Variants in CDC14B observed in about 807,000 individuals in gnomAD.
CDC14B encodes the protein cell division cycle 14B, also known as dual specificity protein phosphatase CDC14B.
CDC14B carries 22 observed loss-of-function variants against 64.2 expected under a neutral mutation model. That is an observed-to-expected ratio of 0.34 (90% confidence interval 0.24 to 0.49). CDC14B has a LOEUF of 0.49. Among genes scored for constraint, CDC14B ranks in the 20% least tolerant of loss-of-function variants. CDC14B has a pLI of 0.99. For missense variants in CDC14B, 498 were observed against 629.9 expected, an observed-to-expected ratio of 0.79 and a Z score of 2.24; for synonymous variants, 191 against 215.8, an observed-to-expected ratio of 0.89 and a Z score of 1.01.
intron 9 of CDC14B, among the ~76,000 whole-genome samples, chr9:96,528,365 T>G (rs1283862653): frequency 6.6e-6 from 1 of 151,892 alleles, no homozygotes; most frequent in East Asian, 1.9e-4. Context: ...CTACTAAAAA[T>G]ACAAAAATTA....
rs538607679 is a variant in CDC14B at position 96,525,822 on chromosome 9, A to G, written c.947-2097T>C. Reference sequence around the variant, plus strand: ...TATTTAGATGAGACTCTGAACTTGGAGTTGATGCCGGAATGAATTGAGATG... The same window carrying G: ...TATTTAGATGAGACTCTGAACTTGGGGTTGATGCCGGAATGAATTGAGATG... On this transcript the variant is annotated intron_variant, in intron 9 of 13. Transcript: ENST00000375241. 7.9e-5 allele frequency among the ~76,000 whole-genome samples: 12 copies of G among 152,272 alleles called. No individual in the cohort carries two copies. The South Asian group carries it at 2.5e-3, about 32-fold the overall frequency.
chr9:96,568,454 G>A (rs1323614212), intron 1 of CDC14B, among the ~76,000 whole-genome samples: 1 of 152,170 alleles, frequency 6.6e-6, no homozygotes, highest in Non-Finnish European at 1.5e-5. Flanking sequence ...CCACTATGAG[G>A]TACTATTTTT....
chr9:96,581,324 C>T (rs190462987), intron 1 of CDC14B, among the ~76,000 whole-genome samples: 18 of 151,770 alleles, frequency 1.2e-4, no homozygotes, highest in African/African-American at 4.4e-4. Flanking sequence ...AAACAGAGGG[C>T]CAGACACAGC....
chr9:96,579,100 G>A (rs897370686), intron 1 of CDC14B, among the ~76,000 whole-genome samples: 2 of 152,084 alleles, frequency 1.3e-5, no homozygotes, highest in Admixed American at 1.3e-4. Context: ...TTACAGGCAT[G>A]AGCCACCGCA....
At position 96,618,337 on chromosome 9, in the gene CDC14B, T is replaced by C. The variant is rs77206898; in HGVS notation, c.160+882A>G. Among the ~76,000 whole-genome samples, 7 of 152,332 alleles carry C rather than the reference T, an allele frequency of 4.6e-5. No homozygotes were observed. The East Asian group carries it at 1.4e-3, about 29-fold the overall frequency. The stretch of plus-strand genomic sequence containing the variant: ...CTCAAAATCGTGGACAGCTCTGCTG[T>C]TTACACAGCGTTGCCACATACATCA... On this transcript the variant is annotated intron_variant, in intron 1 of 13. Coordinates refer to ENST00000375241, the MANE Select transcript of CDC14B (RefSeq NM_033331.4).
At chr9:96,612,208 C>T (rs1401317556) in intron 1 of CDC14B, among the ~76,000 whole-genome samples, 1 of 152,226 alleles carries the variant, frequency 6.6e-6, no homozygotes, top group Non-Finnish European at 1.5e-5. Context: ...AGCATTTCTG[C>T]CCTGAGCTCG....
At chr9:96,615,273 T>TG (rs1847554389) in intron 1 of CDC14B, among the ~76,000 whole-genome samples, 7 of 152,274 alleles carry the variant, frequency 4.6e-5, no homozygotes, top group Admixed American at 4.6e-4. Flanking sequence ...TGGATGGGGT[T>TG]GGAATGAGAG....
chr9:96,573,724 T>C (rs1011041510), intron 1 of CDC14B, among the ~76,000 whole-genome samples: 1 of 152,190 alleles, frequency 6.6e-6, no homozygotes, highest in Non-Finnish European at 1.5e-5. Flanking sequence ...GTAAATTGCA[T>C]GCTGATGTAT....
chr9:96,619,341 G>C lies in CDC14B; in HGVS notation c.38C>G (p.Ala13Gly), dbSNP rs1847838346. 2 of 1,266,342 alleles carry C rather than the reference G, an allele frequency of 1.6e-6. No homozygotes were observed. The highest frequency in any genetic ancestry group is 3.5e-5 in the Admixed American group (1 of 28,480). 78.4% of individuals were successfully genotyped at this position (1,266,342 alleles called of 1,614,324 possible). Residue 13 changes from alanine to glycine, a missense_variant, in exon 1 of 14, where the codon GCC (alanine) becomes GGC (glycine). Coordinates refer to ENST00000375241, the MANE Select transcript of CDC14B (RefSeq NM_033331.4). ...GCAGCGCCGCGAGCAGGGGGGCGCG[G>C]CGGCCCAGCTCGACCGCCGCTCGCT... ...RKSERRSSWAAAPPCSRRCSS... is the reference protein window; with the variant it reads ...RKSERRSSWAGAPPCSRRCSS...
intron 1 of CDC14B, chr9:96,566,753 G>C (rs1465790452): frequency 1.2e-6 from 2 of 1,600,862 alleles, no homozygotes; most frequent in Non-Finnish European, 1.7e-6. Flanking sequence ...GGAAGCCCCC[G>C]CCCTCCCGGC....
intron 4 of CDC14B, among the ~76,000 whole-genome samples, chr9:96,559,889 T>G (rs1454783047): frequency 6.6e-6 from 1 of 152,166 alleles, no homozygotes; most frequent in Admixed American, 6.5e-5. Context: ...AAAATAAGCT[T>G]CTGTGGTCCA....
chr9:96,521,777 C>G (rs1260473644), intron 12 of CDC14B, among the ~76,000 whole-genome samples: 3 of 152,168 alleles, frequency 2.0e-5, no homozygotes, highest in Non-Finnish European at 1.5e-5. Context: ...AATCTGGTGT[C>G]CCACAATGAA....
At chr9:96,609,602 G>T (rs894720719) in intron 1 of CDC14B, among the ~76,000 whole-genome samples, 3 of 152,180 alleles carry the variant, frequency 2.0e-5, no homozygotes, top group Non-Finnish European at 2.9e-5. Context: ...AAAACGCAAA[G>T]AATGATTCAG....
chr9:96,591,516 C>T (rs1031739494), intron 1 of CDC14B, among the ~76,000 whole-genome samples: 4 of 151,970 alleles, frequency 2.6e-5, no homozygotes, highest in Admixed American at 1.3e-4. Flanking sequence ...ATTGAAGCCT[C>T]TAGCTTTTTT....
At chr9:96,511,988 T>G (rs2131351925) in intron 12 of CDC14B, among the ~76,000 whole-genome samples, 1 of 152,252 alleles carries the variant, frequency 6.6e-6, no homozygotes, top group South Asian at 2.1e-4. Flanking sequence ...TCTCAGATTT[T>G]CAGTCATGAA....
intron 1 of CDC14B, among the ~76,000 whole-genome samples, chr9:96,600,185 A>G (rs1846340434): frequency 6.6e-6 from 1 of 151,778 alleles, no homozygotes. Context: ...ACTTGAGGCC[A>G]GAAGTTTGAG....
chr9:96,495,126 G>A (rs1000916169), downstream of CDC14B, among the ~76,000 whole-genome samples: 9 of 151,966 alleles, frequency 5.9e-5, no homozygotes, highest in South Asian at 2.1e-4. Context: ...GAGCCACCGC[G>A]CCTGGCCTGA....
chr9:96,528,537 A>G (rs61240609), intron 9 of CDC14B, among the ~76,000 whole-genome samples: 4,654 of 152,126 alleles, frequency 0.031, 225 homozygotes, highest in African/African-American at 0.1. Context: ...AAAGAAAAAA[A>G]AAGAAGAAGA....
At chr9:96,611,305 G>C (rs545859291) in intron 1 of CDC14B, among the ~76,000 whole-genome samples, 16 of 152,300 alleles carry the variant, frequency 1.1e-4, no homozygotes, top group Admixed American at 3.9e-4. Context: ...AGCTAAAAAT[G>C]AAATAGTGGA....
Sources: gnomAD v4.1 joint callset for allele counts (sites outside exome capture counted in the v4.1 genomes callset) on GRCh38, gnomAD v4.1.1 for gene constraint, MANE v1.5 for transcripts, NCBI Gene and HGNC (gene_info 2026-07-23, HGNC 2026-07-21) for gene names.